KCNN2: variants seen among roughly 807,000 people sequenced by gnomAD.
KCNN2 encodes the protein small conductance calcium-activated potassium channel protein 2.
A neutral mutation model predicts 55.5 loss-of-function variants in KCNN2; 24 were observed. That is an observed-to-expected ratio of 0.43 (90% CI 0.31 to 0.61). KCNN2 has a LOEUF of 0.61. Ranked by LOEUF, KCNN2 falls within the 20% of genes least tolerant of loss-of-function variation. The pLI, the probability that KCNN2 is intolerant of heterozygous loss-of-function variation, is 0.08. For synonymous variants in KCNN2, 431 were observed against 336.1 expected (o/e 1.28, Z -3.09); for missense variants, 754 against 853.6 (o/e 0.88, Z 1.45).
At chr5:114,231,808 C>T (rs1411507709) in intron 2 of KCNN2, among the ~76,000 whole-genome samples, 1 of 149,962 alleles carries the variant, frequency 6.7e-6, no homozygotes, top group Non-Finnish European at 1.5e-5. Context: ...GACTTAATCA[C>T]TTCTATCCTT....
At chr5:114,284,859 C>A (rs1042164644) in intron 2 of KCNN2, among the ~76,000 whole-genome samples, 2 of 151,962 alleles carry the variant, frequency 1.3e-5, no homozygotes, top group Admixed American at 6.6e-5. Context: ...CACCACTGTA[C>A]GGGTGAAATC....
intron 1 of KCNN2, among the ~76,000 whole-genome samples, chr5:114,068,810 T>C (rs1000934103): frequency 2.0e-5 from 3 of 152,098 alleles, no homozygotes; most frequent in African/African-American, 7.2e-5. Context: ...TCCTTTCTTT[T>C]TCTTTTTCTT....
chr5:114,146,264 G>A (rs1291516902), intron 1 of KCNN2, among the ~76,000 whole-genome samples: 1 of 152,148 alleles, frequency 6.6e-6, no homozygotes, highest in Non-Finnish European at 1.5e-5. Flanking sequence ...TTAGTTGTAT[G>A]TGAGGGGTAG....
chr5:114,228,872 C>A (rs1238701367), intron 2 of KCNN2, among the ~76,000 whole-genome samples: 3 of 151,878 alleles, frequency 2.0e-5, no homozygotes, highest in Non-Finnish European at 4.4e-5. Context: ...TCTTTAAAAG[C>A]GTTTTGCTTT....
At chr5:114,279,374 C>T (rs1371139299) in intron 2 of KCNN2, among the ~76,000 whole-genome samples, 3 of 151,964 alleles carry the variant, frequency 2.0e-5, no homozygotes, top group African/African-American at 4.8e-5. Context: ...CATATGTATA[C>T]ATGTGCATTT....
intron 2 of KCNN2, among the ~76,000 whole-genome samples, chr5:114,312,428 C>CAT (rs1756417704): frequency 2.2e-4 from 5 of 22,234 alleles, no homozygotes; most frequent in Non-Finnish European, 5.0e-4. Context: ...CACACACACA[C>CAT]ACACACATAT....
intron 4 of KCNN2, among the ~76,000 whole-genome samples, chr5:114,471,087 A>T (rs1012133502): frequency 6.6e-6 from 1 of 152,208 alleles, no homozygotes; most frequent in African/African-American, 2.4e-5. Context: ...AAATAGGTGA[A>T]TTTGAATTTC....
intron 1 of KCNN2, among the ~76,000 whole-genome samples, chr5:114,116,968 G>T (rs1394489668): frequency 6.6e-6 from 1 of 152,144 alleles, no homozygotes; most frequent in East Asian, 1.9e-4. Flanking sequence ...GACAGGTCTT[G>T]TTTGATAATG....
chr5:114,131,670 T>C (rs774670216), intron 1 of KCNN2, among the ~76,000 whole-genome samples: 2 of 152,206 alleles, frequency 1.3e-5, no homozygotes, highest in Non-Finnish European at 2.9e-5. Flanking sequence ...CTGGGTCAAA[T>C]GGTATTTCTG....
intron 4 of KCNN2, among the ~76,000 whole-genome samples, chr5:114,464,130 A>C (rs771770598): frequency 6.6e-6 from 1 of 152,170 alleles, no homozygotes; most frequent in Non-Finnish European, 1.5e-5. Flanking sequence ...GCCCCTCCAC[A>C]CATGACTAGC....
At chr5:114,260,812 C>T (rs1755092634) in intron 2 of KCNN2, among the ~76,000 whole-genome samples, 1 of 152,118 alleles carries the variant, frequency 6.6e-6, no homozygotes, top group Admixed American at 6.6e-5. Flanking sequence ...AGGTGGCTTT[C>T]ATTTGCATAT....
intron 3 of KCNN2, among the ~76,000 whole-genome samples, chr5:114,411,779 G>T (rs1453013324): frequency 6.6e-6 from 1 of 152,144 alleles, no homozygotes. Context: ...TCCTCACTCA[G>T]TTCGCTGACT....
chr5:114,296,613 C>T lies in KCNN2; in HGVS notation c.-184-64332C>T, dbSNP rs1019753765. Among the ~76,000 whole-genome samples, 72 of 152,178 alleles carry T rather than the reference C, an allele frequency of 4.7e-4. 1 individual carries two copies. Among genetic ancestry groups the T allele is most frequent in the African/African-American group, 1.4e-3 (60 of 41,510 alleles). On this transcript the variant is annotated intron_variant, in intron 2 of 10. Coordinates refer to the KCNN2 transcript ENST00000512097. ...GGCTGAAGGCCATCTGGCCCAAACA[C>T]GTTCCTAAGGGAGGCCATAAGCACT...
At chr5:114,242,092 G>C (rs1187806070) in intron 2 of KCNN2, among the ~76,000 whole-genome samples, 1 of 151,300 alleles carries the variant, frequency 6.6e-6, no homozygotes, top group African/African-American at 2.4e-5. Flanking sequence ...AACACAGTGG[G>C]TTACAGAAGA....
chr5:114,425,205 C>T (rs564015275), intron 3 of KCNN2, among the ~76,000 whole-genome samples: 3 of 152,200 alleles, frequency 2.0e-5, no homozygotes, highest in Non-Finnish European at 4.4e-5. Context: ...AACTATCATG[C>T]TTTTAAATAT....
At chr5:114,436,805 C>T (rs760275957) in intron 3 of KCNN2, among the ~76,000 whole-genome samples, 1 of 152,192 alleles carries the variant, frequency 6.6e-6, no homozygotes, top group African/African-American at 2.4e-5. Flanking sequence ...TCCAATAGAA[C>T]TTTCTGCAGT....
chr5:114,455,090 A>G (rs533159378), intron 3 of KCNN2, among the ~76,000 whole-genome samples: 1 of 151,602 alleles, frequency 6.6e-6, no homozygotes, highest in East Asian at 1.9e-4. Flanking sequence ...GTGTTACTTC[A>G]GTGGTTCCTT....
chr5:114,180,355 G>A (rs1409885038), intron 1 of KCNN2, among the ~76,000 whole-genome samples: 1 of 151,998 alleles, frequency 6.6e-6, no homozygotes, highest in Non-Finnish European at 1.5e-5. Context: ...ATTACAGTTA[G>A]CAATACATTT....
Position 114,362,866 on chromosome 5 carries a change from G to T in KCNN2, c.727G>T (p.Ala243Ser), listed in dbSNP as rs776624903. 1.9e-6 allele frequency: 3 copies of T among 1,599,712 alleles called. No individual in the cohort carries two copies. In the South Asian group the frequency reaches 3.3e-5, roughly 18 times the overall value. ...RRNLHEMDSE[A>S]QPLQPPASVG... is the part of the protein sequence containing the mutation. ...GAACCTGCACGAGATGGACTCAGAG[G>T]CGCAGCCCCTGCAGCCCCCCGCGTC... The change falls in exon 1 of 8, where the codon GCG becomes TCG. Residue 243 changes from alanine (A) to serine (S), a missense_variant. Ala to Ser is a moderately conservative substitution (Grantham distance 99, BLOSUM62 1). Around this residue, in one of 4 missense-constraint regions of KCNN2, gnomAD observed 381 missense variants for 259.1 expected, o/e 1.47. Coordinates refer to ENST00000673685, the MANE Select transcript of KCNN2 (RefSeq NM_021614.4).
Sources: allele counts gnomAD v4.1 joint callset (sites outside exome capture counted in the v4.1 genomes callset), GRCh38; gene constraint gnomAD v4.1.1; regional missense constraint gnomAD v4.1.1; transcripts MANE v1.5; gene names NCBI Gene and HGNC (gene_info 2026-07-23, HGNC 2026-07-21).